Variants in OSBPL6 observed in about 807,000 individuals in gnomAD.
OSBPL6 encodes the protein oxysterol-binding protein-related protein 6.
In OSBPL6, 49 loss-of-function variants were observed where a neutral mutation model predicts 125.8. That is an observed-to-expected ratio of 0.39 (90% CI 0.31 to 0.49). OSBPL6 has a LOEUF of 0.49. Among genes scored for constraint, OSBPL6 ranks in the 20% least tolerant of loss-of-function variants. The pLI, the probability that OSBPL6 is intolerant of heterozygous loss-of-function variation, is 0.88. For missense variants in OSBPL6, 986 were observed against 1,135.4 expected (o/e 0.87, Z 1.89); for synonymous variants, 394 against 391.8 (o/e 1.01, Z -0.07).
chr2:178,289,560 T>C (rs1280398712), intron 2 of OSBPL6, among the ~76,000 whole-genome samples: 1 of 152,220 alleles, frequency 6.6e-6, no homozygotes, highest in Non-Finnish European at 1.5e-5. Flanking sequence ...CACCTAACAA[T>C]ATGAATGATA....
chr2:178,317,642 T>A (rs550554403), intron 3 of OSBPL6, among the ~76,000 whole-genome samples: 2 of 151,432 alleles, frequency 1.3e-5, no homozygotes, highest in Admixed American at 6.6e-5. Context: ...TATATATGAA[T>A]GATATGCTCT....
At chr2:178,367,667 C>T (rs892311457) in intron 13 of OSBPL6, among the ~76,000 whole-genome samples, 31 of 152,304 alleles carry the variant, frequency 2.0e-4, no homozygotes, top group African/African-American at 7.5e-4. Context: ...AAGACAGTAA[C>T]TTCTTTTACG....
intron 1 of OSBPL6, among the ~76,000 whole-genome samples, chr2:178,261,054 C>A (rs1024386639): frequency 6.6e-6 from 1 of 152,124 alleles, no homozygotes; most frequent in African/African-American, 2.4e-5. Context: ...ATCGCTTGAA[C>A]CTGGGAGGTG....
At position 178,239,641 on chromosome 2, in the gene OSBPL6, TTTG is replaced by T. The variant is rs1337879726; in HGVS notation, c.-351+44968_-351+44970del. Among the ~76,000 whole-genome samples the T allele has an allele frequency of 3.5e-5, 5 of 142,300 alleles. No individual in the cohort carries two copies. In the East Asian group the frequency reaches 1.0e-3, roughly 29 times the overall value. 93.4% of individuals were successfully genotyped at this position (142,300 alleles called of 152,430 possible). On this transcript the variant is annotated intron_variant, in intron 1 of 24. Coordinates refer to ENST00000190611, the MANE Select transcript of OSBPL6 (RefSeq NM_032523.4). ...ATTTATTTATTTATTTATTTATTTA[TTTG>T]CGATGGAGTCTCGCTCTGTCGCCCA...
chr2:178,250,923 CTA>C (rs1306280898), intron 1 of OSBPL6, among the ~76,000 whole-genome samples: 2 of 151,516 alleles, frequency 1.3e-5, no homozygotes, highest in East Asian at 3.9e-4. Flanking sequence ...AACCTCAACT[CTA>C]AGCCCATGGT....
rs142466429 is a variant in OSBPL6 at position 178,319,303 on chromosome 2, G to C, written c.103-4874G>C. On this transcript the variant is annotated intron_variant, in intron 3 of 24. Transcript: ENST00000190611. ...AGGGTAACAAAGAAATTATCCCTAA[G>C]ATTGTACCATATTTAAGAGTGCTAT... Among the ~76,000 whole-genome samples the C allele has an allele frequency of 3.3e-5, 5 of 152,278 alleles. No homozygotes were observed. In the East Asian group the frequency reaches 9.6e-4, roughly 29 times the overall value.
intron 3 of OSBPL6, among the ~76,000 whole-genome samples, chr2:178,319,999 TAAAGA>T (rs1688095650): frequency 6.6e-6 from 1 of 152,230 alleles, no homozygotes; most frequent in South Asian, 2.1e-4. Context: ...AGTGAGTCTG[TAAAGA>T]AATTTGTAGC....
intron 15 of OSBPL6, among the ~76,000 whole-genome samples, chr2:178,380,516 A>G (rs941725845): frequency 4.0e-5 from 6 of 151,540 alleles, no homozygotes; most frequent in African/African-American, 1.5e-4. Flanking sequence ...GGTAAATACT[A>G]AAAAAGATGG....
chr2:178,392,724 G>A (rs140583901), intron 23 of OSBPL6, among the ~76,000 whole-genome samples, 186 bp downstream of exon 23: 1 of 152,152 alleles, frequency 6.6e-6, no homozygotes, highest in African/African-American at 2.4e-5. Context: ...AGCTGGGTGT[G>A]GTGGGGCATG....
chr2:178,330,818 C>T (rs894607608), intron 5 of OSBPL6, among the ~76,000 whole-genome samples: 1 of 152,076 alleles, frequency 6.6e-6, no homozygotes, highest in East Asian at 1.9e-4. Flanking sequence ...TTGTGAATTG[C>T]CCGTGGAAGA....
chr2:178,246,798 C>G (rs1217312053), intron 1 of OSBPL6, among the ~76,000 whole-genome samples: 1 of 152,194 alleles, frequency 6.6e-6, no homozygotes, highest in Non-Finnish European at 1.5e-5. Flanking sequence ...CATTCTGCTT[C>G]TAGAGTTACC....
At chr2:178,199,783 G>A (rs2089141175) in intron 1 of OSBPL6, among the ~76,000 whole-genome samples, 1 of 152,022 alleles carries the variant, frequency 6.6e-6, no homozygotes, top group Non-Finnish European at 1.5e-5. Context: ...TACATTGTTT[G>A]CCGTTTGAAA....
chr2:178,211,511 C>A (rs2089860257), intron 1 of OSBPL6, among the ~76,000 whole-genome samples: 1 of 152,188 alleles, frequency 6.6e-6, no homozygotes, highest in Non-Finnish European at 1.5e-5. Context: ...CTCCTCAGGG[C>A]TCCTGCCAGA....
rs766464159 is a variant in OSBPL6 at position 178,338,971 on chromosome 2, T to C, written c.791-20T>C. 5.1e-6 allele frequency: 8 copies of C among 1,577,532 alleles called. No individual in the cohort carries two copies. The South Asian group carries it at 7.9e-5, about 16-fold the overall frequency. On this transcript the variant is annotated intron_variant, in intron 9 of 24. Coordinates refer to ENST00000190611, the MANE Select transcript of OSBPL6 (RefSeq NM_032523.4). ...TCCCTACCCAATTTTAACGTATTTTTATTTCTGATTTCTTATTAGATCTTG... is the reference window on the plus strand; with the variant it reads ...TCCCTACCCAATTTTAACGTATTTTCATTTCTGATTTCTTATTAGATCTTG...
At chr2:178,306,595 C>T (rs970116596) in intron 3 of OSBPL6, among the ~76,000 whole-genome samples, 12 of 152,160 alleles carry the variant, frequency 7.9e-5, no homozygotes, top group Non-Finnish European at 8.8e-5. Context: ...CTCTTCTCTT[C>T]GTTCATGGAG....
intron 1 of OSBPL6, among the ~76,000 whole-genome samples, chr2:178,195,861 A>G (rs546999670): frequency 6.6e-6 from 1 of 152,242 alleles, no homozygotes; most frequent in South Asian, 2.1e-4. Context: ...TAAAAATTGC[A>G]TACTAATGGT....
At chr2:178,388,972 C>G in intron 20 of OSBPL6, 37 bp from the exon 21 acceptor site, 1 of 1,602,452 alleles carries the variant, frequency 6.2e-7, no homozygotes, top group East Asian at 2.2e-5. Context: ...TGTTTGTGAC[C>G]TTGGTTGTTT....
chr2:178,328,410 A>C (rs979483900), intron 5 of OSBPL6, 32 bp downstream of exon 5: 26 of 1,598,430 alleles, frequency 1.6e-5, no homozygotes, highest in Non-Finnish European at 2.0e-5. Context: ...GGTTCAGACC[A>C]TCTTCATAAA....
chr2:178,329,417 A>ATTTTTTTTTTTTTTT (rs199952604), intron 5 of OSBPL6, among the ~76,000 whole-genome samples: 1 of 139,526 alleles, frequency 7.2e-6, no homozygotes, highest in Non-Finnish European at 1.6e-5. Flanking sequence ...TTATTTACTT[A>ATTTTTTTTTTTTTTT]TTTTTTTTTT....
Sources: gnomAD v4.1 joint callset for allele counts (sites outside exome capture counted in the v4.1 genomes callset) on GRCh38, gnomAD v4.1.1 for gene constraint, MANE v1.5 for transcripts, NCBI Gene and HGNC (gene_info 2026-07-23, HGNC 2026-07-21) for gene names.